The following PPARG variants were observed in gnomAD, a reference collection of about 807,000 sequenced individuals.
The protein encoded by PPARG is peroxisome proliferator activated receptor gamma, also known as peroxisome proliferator-activated receptor gamma.
A neutral mutation model predicts 39.2 loss-of-function variants in PPARG; 17 were observed. That is an observed-to-expected ratio of 0.43 (90% CI 0.30 to 0.65). The LOEUF (loss-of-function observed/expected upper bound fraction) is 0.65. Ranked by LOEUF, PPARG falls within the 30% of genes least tolerant of loss-of-function variation. The probability of loss-of-function intolerance (pLI) is 0.13; values close to 1 mark genes in which losing one functional copy is unlikely to be tolerated. For missense variants in PPARG, 406 were observed against 585.9 expected (o/e 0.69, Z 3.17); for synonymous variants, 223 against 215.7 (o/e 1.03, Z -0.30).
intron 4 of PPARG, among the ~76,000 whole-genome samples, chr3:12,383,245 T>C (rs2049751139): frequency 6.6e-6 from 1 of 152,186 alleles, no homozygotes; most frequent in South Asian, 2.1e-4. Flanking sequence ...AAATGACACT[T>C]TGAAACACTC....
At position 12,333,499 on chromosome 3, in the gene PPARG, CTG is replaced by C. The variant is rs1036215487; in HGVS notation, c.-9+21048_-9+21049del. Among the ~76,000 whole-genome samples the C allele has an allele frequency of 1.4e-4, 21 of 152,234 alleles. 1 individual carries two copies. The highest frequency in any genetic ancestry group is 5.1e-4 in the African/African-American group (21 of 41,556). On this transcript the variant is annotated intron_variant, in intron 2 of 7. Coordinates refer to ENST00000651735, the MANE Select transcript of PPARG (RefSeq NM_138711.6). ...TGTCGTTTTGAGACAGAGTCTCACT[CTG>C]TTGCTCAGGCTGGAGTGCAGTGGTG...
At chr3:12,382,586 AT>A (rs1387870394) in intron 4 of PPARG, among the ~76,000 whole-genome samples, 1 of 152,210 alleles carries the variant, frequency 6.6e-6, no homozygotes. Flanking sequence ...ACTGATTTTT[AT>A]TGAATTCTTA....
chr3:12,405,828 G>A (rs1036668706), intron 5 of PPARG, 54 bp from the exon 6 acceptor site: 16 of 1,556,770 alleles, frequency 1.0e-5, no homozygotes, highest in African/African-American at 1.4e-5. Context: ...CACAGTGTGT[G>A]TTCAGAGCAG....
Position 12,417,136 on chromosome 3 carries a change from G to A in PPARG, c.1162G>A (p.Val388Ile). The A allele has an allele frequency of 6.2e-7, 1 of 1,613,982 alleles. No individual in the cohort carries two copies. The highest frequency in any genetic ancestry group is 8.5e-7 in the Non-Finnish European group (1 of 1,179,960). ...CAGCGACTTGGCAATATTTATTGCT[G>A]TCATTATTCTCAGTGGAGGTAAGAT... ...DDSDLAIFIA[V>I]IILSGDRPGL... Residue 388 changes from valine to isoleucine, a missense_variant, in exon 7 of 8, where the codon GTC becomes ATC. Physicochemically the swap from Val to Ile is conservative, Grantham distance 29. Coordinates refer to ENST00000651735, the MANE Select transcript of PPARG (RefSeq NM_138711.6).
At chr3:12,362,520 A>AAAATAAATAAAT (rs144523043) in intron 2 of PPARG, among the ~76,000 whole-genome samples, 2 of 147,876 alleles carry the variant, frequency 1.4e-5, no homozygotes, top group Admixed American at 6.7e-5. Context: ...CTTCGTCTCA[A>AAAATAAATAAAT]AAATAAATAA....
chr3:12,387,491 A>C (rs944859360), intron 4 of PPARG, among the ~76,000 whole-genome samples: 1 of 152,036 alleles, frequency 6.6e-6, no homozygotes, highest in Non-Finnish European at 1.5e-5. Flanking sequence ...GCATTTTTTC[A>C]TATGTCTGTT....
In PPARG at chr3:12,416,970, G is replaced by T; in HGVS notation, c.996G>T (p.Met332Ile). 1 of 1,614,104 alleles carries T rather than the reference G, an allele frequency of 6.2e-7. No homozygotes were observed. The highest frequency in any genetic ancestry group is 8.5e-7 in the Non-Finnish European group (1 of 1,180,016). ...EIIYTMLASL[M>I]NKDGVLISEG... ...TTTACACAATGCTGGCCTCCTTGAT[G>T]AATAAAGATGGGGTTCTCATATCCG... is the stretch of plus-strand genomic sequence containing the variant. Residue 332 changes from methionine (M) to isoleucine (I), a missense_variant, in exon 7 of 8, where the codon ATG (methionine) becomes ATT (isoleucine). Met to Ile is a conservative substitution (Grantham distance 10). Transcript: ENST00000651735.
chr3:12,317,873 TATC>T (rs1266884048), intron 2 of PPARG, among the ~76,000 whole-genome samples: 7 of 152,250 alleles, frequency 4.6e-5, no homozygotes, highest in Non-Finnish European at 5.9e-5. Flanking sequence ...TTAAATGAAT[TATC>T]ATTTACTTAA....
At chr3:12,392,261 C>G (rs2050103714) in intron 4 of PPARG, among the ~76,000 whole-genome samples, 1 of 152,148 alleles carries the variant, frequency 6.6e-6, no homozygotes, top group African/African-American at 2.4e-5. Flanking sequence ...GAATGATTTG[C>G]AGAGAGACTT....
At chr3:12,407,317 T>C (rs982613865) in intron 6 of PPARG, among the ~76,000 whole-genome samples, 1 of 152,106 alleles carries the variant, frequency 6.6e-6, no homozygotes, top group South Asian at 2.1e-4. Context: ...CATGCCACCA[T>C]GCCCAGCTAA....
intron 2 of PPARG, among the ~76,000 whole-genome samples, chr3:12,368,655 A>G (rs1164899403): frequency 6.6e-6 from 1 of 152,202 alleles, no homozygotes; most frequent in Non-Finnish European, 1.5e-5. Context: ...GTGTATAACA[A>G]CATAGGACTG....
Position 12,417,870 on chromosome 3 carries a change from C to CT in PPARG, c.1180+722dup, listed in dbSNP as rs2051115609. ...AAGCCAGATTTTCTTCTGAGTGTGA[C>CT]TTTTTTCTTTTTTTTTTCTTTTTTT... On this transcript the variant is annotated intron_variant, in intron 7 of 7. Coordinates refer to ENST00000651735, the MANE Select transcript of PPARG (RefSeq NM_138711.6). 4.8e-5 allele frequency among the ~76,000 whole-genome samples: 4 copies of CT among 82,820 alleles called. No individual in the cohort carries two copies. The South Asian group carries it at 1.4e-3, about 29-fold the overall frequency. 54.3% of individuals were successfully genotyped at this position (82,820 alleles called of 152,430 possible).
intron 2 of PPARG, among the ~76,000 whole-genome samples, chr3:12,324,039 G>C (rs1366672902): frequency 6.6e-6 from 1 of 152,158 alleles, no homozygotes; most frequent in African/African-American, 2.4e-5. Flanking sequence ...AGCACTTTGA[G>C]AGGCTAAAGC....
At chr3:12,383,159 A>G (rs191975759) in intron 4 of PPARG, among the ~76,000 whole-genome samples, 122 of 152,262 alleles carry the variant, frequency 8.0e-4, no homozygotes, top group African/African-American at 2.9e-3. Flanking sequence ...ATCCTTCATC[A>G]GGCCCCCCAT....
intron 2 of PPARG, among the ~76,000 whole-genome samples, chr3:12,338,129 A>G (rs970992850): frequency 6.6e-6 from 1 of 152,254 alleles, no homozygotes; most frequent in African/African-American, 2.4e-5. Context: ...GAAGGCAATC[A>G]TTATTCAGGC....
intron 2 of PPARG, among the ~76,000 whole-genome samples, chr3:12,354,474 A>T (rs1274319421): frequency 1.1e-5 from 1 of 88,696 alleles, no homozygotes; most frequent in Non-Finnish European, 3.1e-5. Context: ...GGCTGGGTAC[A>T]GTGGCTCACA....
intron 2 of PPARG, among the ~76,000 whole-genome samples, chr3:12,339,857 T>C (rs1486885897): frequency 6.6e-6 from 1 of 152,246 alleles, no homozygotes; most frequent in Non-Finnish European, 1.5e-5. Flanking sequence ...ACAAAGCCCC[T>C]TTATTCAGCA....
chr3:12,388,837 C>G (rs1429157920), intron 4 of PPARG, among the ~76,000 whole-genome samples: 1 of 151,792 alleles, frequency 6.6e-6, no homozygotes, highest in African/African-American at 2.4e-5. Flanking sequence ...ATTTGAAAAC[C>G]AAGTGAAAAA....
chr3:12,418,760 G>A (rs2051162007), intron 7 of PPARG, among the ~76,000 whole-genome samples: 1 of 152,116 alleles, frequency 6.6e-6, no homozygotes, highest in South Asian at 2.1e-4. Context: ...CAGGCATGCT[G>A]GCTCAGACTC....
Sources: gnomAD v4.1 joint callset for allele counts (sites outside exome capture counted in the v4.1 genomes callset) on GRCh38, gnomAD v4.1.1 for gene constraint, MANE v1.5 for transcripts, NCBI Gene and HGNC (gene_info 2026-07-23, HGNC 2026-07-21) for gene names.